Variants in SPTBN2 observed in about 807,000 individuals in gnomAD.
SPTBN2 encodes spectrin beta, non-erythrocytic 2, also known as spectrin beta chain, non-erythrocytic 2.
In SPTBN2, 107 loss-of-function variants were observed where a neutral mutation model predicts 284.2. The ratio of observed to expected loss-of-function variants is 0.38; its 90% CI spans 0.32 to 0.44. SPTBN2 has a LOEUF of 0.44. Ranked by LOEUF, SPTBN2 falls within the 20% of genes least tolerant of loss-of-function variation. SPTBN2 has a pLI of 1.00. For missense variants in SPTBN2, 2,569 were observed against 3,287.1 expected (o/e 0.78, Z 5.34); for synonymous variants, 1,289 against 1,354.8 (o/e 0.95, Z 1.07).
In SPTBN2 at chr11:66,721,132, T is replaced by C. The variant is rs760026876; in HGVS notation, c.109A>G (p.Ser37Gly). 1.9e-6 allele frequency: 3 copies of C among 1,614,056 alleles called. No homozygotes were observed. Among genetic ancestry groups the C allele is most frequent in the Admixed American group, 1.7e-5 (1 of 60,002 alleles). Residue 37 changes from serine to glycine, a missense_variant, in exon 3 of 38, where the codon AGC becomes GGC. Around this residue, in one of 6 missense-constraint regions of SPTBN2, gnomAD observed 304 missense variants for 522.1 expected, o/e 0.58. Coordinates refer to ENST00000533211, the MANE Select transcript of SPTBN2 (RefSeq NM_006946.4). The stretch of plus-strand genomic sequence containing the variant: ...CTCTCAAAGAGGCGGGCCGAGCTGC[T>C]GTCATTGTCCCAGTCCGAGTCAGGA... ...DLPDSDWDND[S>G]SSARLFERSR...
chr11:66,685,126 A>C lies in SPTBN2; in HGVS notation c.*745T>G, dbSNP rs1372437098. ...CCAGGTCAGGGAAGCTCTCAGTGTG[A>C]CACGGCTCTTCAAGAGCTTGGAGGC... is the stretch of plus-strand genomic sequence containing the variant. On this transcript the variant is annotated 3_prime_UTR_variant, in exon 38 of 38. Coordinates refer to ENST00000533211, the MANE Select transcript of SPTBN2 (RefSeq NM_006946.4). This position sits in a 1 kb window ranked among gnomAD's most constrained non-coding sequence, Gnocchi z 4.4. The C allele has an allele frequency of 6.5e-6, 1 of 153,416 alleles. No homozygotes were observed. Among genetic ancestry groups the C allele is most frequent in the East Asian group, 1.9e-4 (1 of 5,210 alleles). 9.5% of individuals were successfully genotyped at this position (153,416 alleles called of 1,614,324 possible).
rs1396063131 is a variant in SPTBN2, at chr11:66,715,589, T to C, written c.310-194A>G. 6.6e-6 allele frequency among the ~76,000 whole-genome samples: 1 copy of C among 152,196 alleles called. No individual in the cohort carries two copies. Among genetic ancestry groups the C allele is most frequent in the African/African-American group, 2.4e-5 (1 of 41,446 alleles). On this transcript the variant is annotated intron_variant, in intron 4 of 37. Coordinates refer to ENST00000533211, the MANE Select transcript of SPTBN2 (RefSeq NM_006946.4). This position sits in a 1 kb window ranked among gnomAD's most constrained non-coding sequence, Gnocchi z 5.3. The stretch of plus-strand genomic sequence containing the variant: ...AGATTAAGATTCCCAAGGGAATTAA[T>C]TGCACCCAGAGTAGGTGGGAAAAGA...
chr11:66,724,080 G>A (rs1251939377), intron 1 of SPTBN2, among the ~76,000 whole-genome samples: 1 of 152,164 alleles, frequency 6.6e-6, no homozygotes, highest in Non-Finnish European at 1.5e-5. Flanking sequence ...ACTTACCAAG[G>A]CTAGCCCCCA....
Position 66,718,775 on chromosome 11 carries a change from C to T in SPTBN2, c.157+2309G>A, listed in dbSNP as rs993337627. Among the ~76,000 whole-genome samples the T allele has an allele frequency of 5.9e-5, 9 of 152,228 alleles. No individual in the cohort carries two copies. Among genetic ancestry groups the T allele is most frequent in the Non-Finnish European group, 1.2e-4 (8 of 68,034 alleles). ...TTTCAAGGAGTGGCAAAAAGAGTTACGGGGTGTCCCGAACTCCTGAGACAG... is the reference window on the plus strand; with the variant it reads ...TTTCAAGGAGTGGCAAAAAGAGTTATGGGGTGTCCCGAACTCCTGAGACAG... On this transcript the variant is annotated intron_variant, in intron 3 of 37. Coordinates refer to ENST00000533211, the MANE Select transcript of SPTBN2 (RefSeq NM_006946.4). This position sits in a 1 kb window ranked among gnomAD's most constrained non-coding sequence, Gnocchi z 4.8.
At chr11:66,739,277 A>T (rs1942878488) in intron 1 of SPTBN2, among the ~76,000 whole-genome samples, 1 of 152,180 alleles carries the variant, frequency 6.6e-6, no homozygotes, top group East Asian at 1.9e-4. Context: ...AATCAGCTCA[A>T]CTAAGGTTCC....
intron 5 of SPTBN2, among the ~76,000 whole-genome samples, chr11:66,714,834 G>A (rs1287953285): frequency 1.3e-5 from 2 of 152,190 alleles, no homozygotes; most frequent in Non-Finnish European, 1.5e-5. Context: ...TCCATTGGGG[G>A]AGGCAGGCAG....
At chr11:66,686,181 A>G in intron 37 of SPTBN2, 77 bp from the exon 38 acceptor site, 1 of 1,484,970 alleles carries the variant, frequency 6.7e-7, no homozygotes, top group Non-Finnish European at 9.4e-7. Context: ...GGGAAGTGTA[A>G]GAGGAGGAGG....
upstream of SPTBN2, among the ~76,000 whole-genome samples, chr11:66,732,473 C>T (rs184955377): frequency 1.1e-4 from 17 of 152,090 alleles, no homozygotes. Context: ...CACAGTGAAA[C>T]CCCTTTTCTA....
At chr11:66,689,501 C>T (rs1045123872) in intron 29 of SPTBN2, 1 of 545,348 alleles carries the variant, frequency 1.8e-6, no homozygotes, top group South Asian at 2.0e-5. Flanking sequence ...AGCCACACAA[C>T]CCATGGAGGC....
chr11:66,701,493 C>T (rs924609279), intron 16 of SPTBN2, 91 bp downstream of exon 16: 25 of 1,601,528 alleles, frequency 1.6e-5, no homozygotes, highest in African/African-American at 5.4e-5. Flanking sequence ...TTTGTAGCCA[C>T]CCTTCCAGGC....
At chr11:66,686,315 G>A (rs751294631) in intron 37 of SPTBN2, 83 bp downstream of exon 37, 155 of 1,569,050 alleles carry the variant, frequency 9.9e-5, no homozygotes, top group Non-Finnish European at 1.2e-4. Context: ...AGGAAAAAGA[G>A]GGAGGACAGG....
chr11:66,724,790 T>G (rs571140014), intron 1 of SPTBN2, among the ~76,000 whole-genome samples: 4 of 152,310 alleles, frequency 2.6e-5, no homozygotes, highest in Non-Finnish European at 5.9e-5. Context: ...TGTGTGTCCA[T>G]GGGCACACAC....
chr11:66,727,806 G>C (rs1942674705), intron 1 of SPTBN2, among the ~76,000 whole-genome samples: 1 of 151,168 alleles, frequency 6.6e-6, no homozygotes, highest in South Asian at 2.1e-4. Context: ...CACCTGGCCC[G>C]GCGCCGGCCC....
chr11:66,720,995 AG>A (rs1942377017), intron 3 of SPTBN2, 88 bp downstream of exon 3: 1 of 1,563,600 alleles, frequency 6.4e-7, no homozygotes, highest in Non-Finnish European at 8.7e-7. Flanking sequence ...AAGAAAAGTC[AG>A]TCTTCCCATA....
chr11:66,690,369 C>G, intron 27 of SPTBN2, 86 bp from the exon 28 acceptor site: 1 of 1,453,336 alleles, frequency 6.9e-7, no homozygotes, highest in Non-Finnish European at 9.0e-7. Flanking sequence ...ACTCTCACCT[C>G]CTGCCTGTCT....
In SPTBN2 at chr11:66,701,011, G is replaced by A; in HGVS notation, c.3088C>T (p.Pro1030Ser). ...REANALAAGH[P>S]AQAVAINARL... ...GCGTTGATGGCCACTGCCTGAGCGG[G>A]ATGGCCGGCAGCCAGGGCATTTGCC... is the stretch of plus-strand genomic sequence containing the variant. Residue 1030 changes from proline (P) to serine (S), a missense_variant, in exon 17 of 38, where the codon CCC becomes TCC. By Grantham distance (74) the Pro-to-Ser change is moderately conservative (BLOSUM62 -1). Transcript: ENST00000533211. The A allele has an allele frequency of 1.2e-6, 2 of 1,608,064 alleles. No individual in the cohort carries two copies. The highest frequency in any genetic ancestry group is 1.7e-6 in the Non-Finnish European group (2 of 1,179,818).
chr11:66,694,190 C>A lies in SPTBN2; in HGVS notation c.4452G>T (p.Leu1484=). 1 of 1,612,978 alleles carries A rather than the reference C, an allele frequency of 6.2e-7. No homozygotes were observed. The highest frequency in any genetic ancestry group is 8.5e-7 in the Non-Finnish European group (1 of 1,180,022). The change falls in exon 22 of 38, where the codon CTG becomes CTT. Residue 1484 remains leucine (L), a synonymous_variant. Transcript: ENST00000533211. ...CQPMRERCRR[L]QASREQHQFH... ...ACTGGTGCTGCTCGCGAGAAGCCTG[C>A]AGGCGCCGGCAGCGTTCCCGCATGG...
chr11:66,701,437 A>C, intron 16 of SPTBN2, 147 bp downstream of exon 16: 1 of 1,520,174 alleles, frequency 6.6e-7, no homozygotes, highest in African/African-American at 1.4e-5. Context: ...CATCTCTTTC[A>C]TCCTTTTTCC....
In SPTBN2 at chr11:66,708,266, G is replaced by A. The variant is rs1941674991; in HGVS notation, c.1225C>T (p.Arg409Cys). The A allele has an allele frequency of 2.5e-6, 4 of 1,603,170 alleles. No homozygotes were observed. The highest frequency in any genetic ancestry group is 1.3e-5 in the African/African-American group (1 of 74,892). The change falls in exon 12 of 38, where the codon CGT becomes TGT. Residue 409 changes from arginine to cysteine, a missense_variant. This residue lies in a region of SPTBN2 where 1,012 missense variants were observed against 1,248.9 expected (regional missense o/e 0.81). Coordinates refer to ENST00000533211, the MANE Select transcript of SPTBN2 (RefSeq NM_006946.4). This position sits in a 1 kb window ranked among gnomAD's most constrained non-coding sequence, Gnocchi z 4.4. ...AGCTCGGTGCGCAGGGCCAGCTCAC[G>A]CTCGTGCTCCGCCTTCTCCAGCCGC... Reference protein sequence around the residue: ...WERLEKAEHERELALRTELIR... With the variant: ...WERLEKAEHECELALRTELIR...
Sources: gnomAD v4.1 joint callset for allele counts (sites outside exome capture counted in the v4.1 genomes callset) on GRCh38, gnomAD v4.1.1 for gene constraint, gnomAD v4.1.1 regional missense constraint, Gnocchi (gnomAD v3.1) non-coding constraint, MANE v1.5 for transcripts, NCBI Gene and HGNC (gene_info 2026-07-23, HGNC 2026-07-21) for gene names.